The following LARGE1 variants were observed in gnomAD, a reference collection of about 807,000 sequenced individuals.
LARGE1 encodes xylosyl- and glucuronyltransferase LARGE1.
In LARGE1, 43 loss-of-function variants were observed where a neutral mutation model predicts 87.6. The observed-to-expected ratio is 0.49, with a 90% CI of 0.38 to 0.63. The LOEUF (loss-of-function observed/expected upper bound fraction) is 0.63, where lower values mean the gene tolerates loss of function less well. Ranked by LOEUF, LARGE1 falls within the 30% of genes least tolerant of loss-of-function variation. LARGE1 has a pLI of 0.00. For synonymous variants in LARGE1, 434 were observed against 394.6 expected (o/e 1.10, Z -1.18); for missense variants, 802 against 1,000.2 (o/e 0.80, Z 2.67).
chr22:33,074,741 C>A, the LARGE1 span, among the ~76,000 whole-genome samples: 64 of 152,128 alleles, frequency 4.2e-4, no homozygotes, highest in African/African-American at 1.5e-3. Flanking sequence ...CCATAATAAG[C>A]AGATCTACAG....
At chr22:33,837,655 C>CG (rs1193728213) in intron 1 of LARGE1, among the ~76,000 whole-genome samples, 1 of 152,182 alleles carries the variant, frequency 6.6e-6, no homozygotes, top group African/African-American at 2.4e-5. Context: ...CAGGATGCCT[C>CG]GGAAGAAGAG....
At chr22:33,831,973 C>T (rs1175983140) in intron 1 of LARGE1, among the ~76,000 whole-genome samples, 1 of 152,192 alleles carries the variant, frequency 6.6e-6, no homozygotes, top group Non-Finnish European at 1.5e-5. Context: ...TCAAACGTTT[C>T]TCACCTTTCT....
intron 9 of LARGE1, among the ~76,000 whole-genome samples, chr22:33,359,480 C>T (rs1453010128): frequency 1.3e-5 from 2 of 151,964 alleles, no homozygotes; most frequent in East Asian, 3.9e-4. Context: ...GAAGCTGTGA[C>T]AGCTCACTTC....
At chr22:33,713,966 AATAACGTAACATAACGTAACATAAC>A (rs2082824889) in intron 2 of LARGE1, among the ~76,000 whole-genome samples, 1 of 132,452 alleles carries the variant, frequency 7.5e-6, no homozygotes, top group African/African-American at 2.9e-5. Flanking sequence ...AGAAAAAGTA[AATAACGTAACATAACGTAACATAAC>A]ATAACATAAC....
intron 5 of LARGE1, among the ~76,000 whole-genome samples, chr22:33,574,513 C>T (rs2078294849): frequency 6.6e-6 from 1 of 151,206 alleles, no homozygotes; most frequent in Non-Finnish European, 1.5e-5. Context: ...AGCAGTGGTC[C>T]AGTAGAAGGA....
chr22:33,400,364 T>C (rs1013973549), intron 7 of LARGE1, among the ~76,000 whole-genome samples: 1 of 152,032 alleles, frequency 6.6e-6, no homozygotes, highest in Non-Finnish European at 1.5e-5. Flanking sequence ...GTAGATGCAG[T>C]AGCATAGAAC....
At chr22:33,465,494 A>C (rs2068568764) in intron 6 of LARGE1, among the ~76,000 whole-genome samples, 1 of 152,322 alleles carries the variant, frequency 6.6e-6, no homozygotes, top group South Asian at 2.1e-4. Context: ...GATTTCACAT[A>C]TACCAACAAA....
chr22:33,328,013 C>T (rs986404278), intron 10 of LARGE1, among the ~76,000 whole-genome samples: 3 of 152,032 alleles, frequency 2.0e-5, no homozygotes, highest in Non-Finnish European at 4.4e-5. Flanking sequence ...TAAAAAGCCC[C>T]GTAGTCACAG....
intron 2 of LARGE1, among the ~76,000 whole-genome samples, chr22:33,708,555 T>G (rs1038986452): frequency 1.3e-5 from 2 of 152,168 alleles, no homozygotes; most frequent in African/African-American, 4.8e-5. Flanking sequence ...CTCTTAGAGT[T>G]CTGGAGGTTG....
At chr22:33,249,222 G>C (rs1926906064) in intron 11 of LARGE1, among the ~76,000 whole-genome samples, 1 of 152,168 alleles carries the variant, frequency 6.6e-6, no homozygotes, top group Non-Finnish European at 1.5e-5. Flanking sequence ...CAATGTTCCA[G>C]ATTTTGGCCA....
the LARGE1 span, among the ~76,000 whole-genome samples, chr22:33,081,882 G>T: frequency 6.6e-6 from 1 of 152,160 alleles, no homozygotes; most frequent in African/African-American, 2.4e-5. Flanking sequence ...CATTTTCCAT[G>T]ATCCCATTTT....
At chr22:33,531,513 C>T (rs547386913) in intron 6 of LARGE1, among the ~76,000 whole-genome samples, 217 of 152,340 alleles carry the variant, frequency 1.4e-3, no homozygotes, top group Non-Finnish European at 2.6e-3. Context: ...GTGGACACCA[C>T]TGTGACCTCC....
At chr22:33,463,575 G>A (rs1280008188) in intron 6 of LARGE1, among the ~76,000 whole-genome samples, 1 of 152,166 alleles carries the variant, frequency 6.6e-6, no homozygotes, top group Non-Finnish European at 1.5e-5. Context: ...AAATCCCAAT[G>A]TGTGTGTATG....
At chr22:33,180,499 C>T (rs1321947085) in intron 11 of LARGE1, among the ~76,000 whole-genome samples, 1 of 152,210 alleles carries the variant, frequency 6.6e-6, no homozygotes. Context: ...CTGCTAGGCA[C>T]TGTGAAAAAC....
At chr22:33,205,985 C>T (rs904203523) in intron 11 of LARGE1, among the ~76,000 whole-genome samples, 11 of 128,654 alleles carry the variant, frequency 8.6e-5, no homozygotes, top group East Asian at 4.2e-4. Context: ...GAGGGAATCT[C>T]GCTCTGTTGT....
intron 2 of LARGE1, among the ~76,000 whole-genome samples, chr22:33,725,354 G>A (rs763842941): frequency 1.4e-4 from 21 of 152,202 alleles, no homozygotes; most frequent in Non-Finnish European, 2.5e-4. Flanking sequence ...CTGAATGCAA[G>A]GGTCAGCAGC....
intron 1 of LARGE1, among the ~76,000 whole-genome samples, chr22:33,866,254 T>C (rs1373263016): frequency 6.6e-6 from 1 of 152,210 alleles, no homozygotes; most frequent in African/African-American, 2.4e-5. Flanking sequence ...TATGAGCCAC[T>C]GTACCCAGCC....
At chr22:33,283,487 G>A in intron 12 of LARGE1, 139 bp from the exon 13 acceptor site, 2 of 933,992 alleles carry the variant, frequency 2.1e-6, no homozygotes, top group Non-Finnish European at 3.4e-6. Context: ...TAAAGATGGG[G>A]AAACTGGGCC....
the LARGE1 span, among the ~76,000 whole-genome samples, chr22:33,101,144 C>T: frequency 8.0e-4 from 121 of 152,174 alleles, no homozygotes; most frequent in Non-Finnish European, 1.0e-4. Flanking sequence ...CATGCTTGGC[C>T]TGCATTAACT....
Sources: gnomAD v4.1 joint callset for allele counts (sites outside exome capture counted in the v4.1 genomes callset) on GRCh38, gnomAD v4.1.1 for gene constraint, MANE v1.5 for transcripts, NCBI Gene and HGNC (gene_info 2026-07-23, HGNC 2026-07-21) for gene names.